The following COG5 variants were observed in gnomAD, a reference collection of about 807,000 sequenced individuals.
COG5 encodes the protein conserved oligomeric Golgi complex subunit 5.
COG5 carries 86 observed loss-of-function variants against 110.4 expected under a neutral mutation model. That is an observed-to-expected ratio of 0.78 (90% confidence interval 0.65 to 0.93). COG5 has a LOEUF of 0.93. Among genes scored for constraint, COG5 ranks in the 40% least tolerant of loss-of-function variants. The pLI, the probability that COG5 is intolerant of heterozygous loss-of-function variation, is 0.00. For missense variants in COG5, 1,077 were observed against 987.0 expected (o/e 1.09, Z -1.22); for synonymous variants, 360 against 334.6 (o/e 1.08, Z -0.83).
At chr7:107,553,246 T>C (rs1398274774) in intron 3 of COG5, among the ~76,000 whole-genome samples, 2 of 152,210 alleles carry the variant, frequency 1.3e-5, no homozygotes, top group African/African-American at 2.4e-5. Flanking sequence ...AAAATAAAAG[T>C]TGAAATGACT....
At chr7:107,332,072 C>T (rs1810300859) in intron 10 of COG5, among the ~76,000 whole-genome samples, 1 of 152,122 alleles carries the variant, frequency 6.6e-6, no homozygotes, top group Non-Finnish European at 1.5e-5. Flanking sequence ...TGGTCTCGAA[C>T]TCCTGACCTC....
At chr7:107,514,344 A>G (rs899929442) in intron 6 of COG5, among the ~76,000 whole-genome samples, 14 of 122,468 alleles carry the variant, frequency 1.1e-4, no homozygotes, top group Non-Finnish European at 1.6e-4. Context: ...ACACACACAC[A>G]CACACACACA....
chr7:107,270,086 T>C (rs1298591378), intron 14 of COG5, among the ~76,000 whole-genome samples: 1 of 152,212 alleles, frequency 6.6e-6, no homozygotes, highest in Non-Finnish European at 1.5e-5. Flanking sequence ...TTTTAGGCAC[T>C]TGGACTTGCC....
At chr7:107,449,552 A>C (rs1420874735) in intron 6 of COG5, among the ~76,000 whole-genome samples, 1 of 152,182 alleles carries the variant, frequency 6.6e-6, no homozygotes, top group African/African-American at 2.4e-5. Context: ...TGCAGTTCTC[A>C]CTTATTTTTC....
chr7:107,305,684 C>T (rs535993915), intron 11 of COG5, among the ~76,000 whole-genome samples: 1 of 152,068 alleles, frequency 6.6e-6, no homozygotes, highest in Non-Finnish European at 1.5e-5. Flanking sequence ...CTTCCAAGCT[C>T]TTGTGGTTGT....
intron 7 of COG5, among the ~76,000 whole-genome samples, chr7:107,404,916 C>A (rs1791708434): frequency 1.4e-5 from 2 of 142,422 alleles, no homozygotes; most frequent in African/African-American, 5.2e-5. Context: ...AAACAGTTGG[C>A]CAGAAAACAA....
At chr7:107,415,802 G>A (rs1563021050) in intron 6 of COG5, among the ~76,000 whole-genome samples, 1 of 123,422 alleles carries the variant, frequency 8.1e-6, no homozygotes, top group East Asian at 2.5e-4. Context: ...GTATGTATGT[G>A]TGTATATATA....
chr7:107,344,179 T>A (rs760616966), intron 10 of COG5, among the ~76,000 whole-genome samples: 1 of 152,208 alleles, frequency 6.6e-6, no homozygotes, highest in Non-Finnish European at 1.5e-5. Flanking sequence ...CTAAGGCTAC[T>A]TCATCTACAT....
intron 11 of COG5, among the ~76,000 whole-genome samples, chr7:107,312,822 TTGGC>T (rs779510284): frequency 0.023 from 3,519 of 152,234 alleles, 76 homozygotes; most frequent in African/African-American, 0.048. Context: ...AAATTCATGC[TTGGC>T]AGAAGCAGAG....
In COG5 at chr7:107,258,370, CCTT is replaced by C; in HGVS notation, c.1586_1588del (p.Gln529_Gly530delinsArg). 3.7e-6 allele frequency: 6 copies of C among 1,604,752 alleles called. No individual in the cohort carries two copies. The Middle Eastern group carries it at 6.6e-4, about 177-fold the overall frequency. On this transcript the variant is annotated inframe_deletion, in exon 15 of 22. Coordinates refer to ENST00000297135, the MANE Select transcript of COG5 (RefSeq NM_006348.5). ...AGGCCCAATCACCTGACTTGCATCT[CCTT>C]GTGTGGAGAGCTGTAAGAATTCAAT...
chr7:107,296,581 CT>C (rs35340234), intron 12 of COG5, among the ~76,000 whole-genome samples: 34,674 of 123,350 alleles, frequency 0.28, 4,728 homozygotes, highest in African/African-American at 0.37. Context: ...CAAAACTACT[CT>C]TTTTTTTTTT....
At chr7:107,460,189 G>C (rs1795902938) in intron 6 of COG5, among the ~76,000 whole-genome samples, 1 of 152,132 alleles carries the variant, frequency 6.6e-6, no homozygotes, top group African/African-American at 2.4e-5. Flanking sequence ...GATTGCTTGA[G>C]TCCAGGAGTT....
intron 6 of COG5, among the ~76,000 whole-genome samples, chr7:107,501,990 G>A (rs2712200): frequency 6.6e-6 from 1 of 151,818 alleles, no homozygotes; most frequent in Admixed American, 6.6e-5. Flanking sequence ...AAGGGAAAAC[G>A]AGAAACAGTT....
At chr7:107,559,801 G>A (rs1445491475) in intron 1 of COG5, among the ~76,000 whole-genome samples, 1 of 152,202 alleles carries the variant, frequency 6.6e-6, no homozygotes, top group Non-Finnish European at 1.5e-5. Context: ...GGAAGGTTTA[G>A]CAGTGGCAAA....
intron 14 of COG5, among the ~76,000 whole-genome samples, chr7:107,263,340 C>T (rs1001529412): frequency 1.3e-5 from 2 of 152,130 alleles, no homozygotes; most frequent in Non-Finnish European, 2.9e-5. Context: ...CAAAGCCTAT[C>T]TTATTTGAGA....
chr7:107,213,198 G>A (rs1799295888), intron 19 of COG5, among the ~76,000 whole-genome samples: 1 of 152,166 alleles, frequency 6.6e-6, no homozygotes, highest in South Asian at 2.1e-4. Context: ...TGAACAAGAA[G>A]TTCAACCTGG....
intron 6 of COG5, among the ~76,000 whole-genome samples, chr7:107,448,697 C>T (rs974879365): frequency 1.3e-5 from 2 of 152,132 alleles, no homozygotes; most frequent in African/African-American, 4.8e-5. Context: ...TTCAACATGT[C>T]CCAGAGTACA....
intron 6 of COG5, among the ~76,000 whole-genome samples, chr7:107,447,871 G>C (rs1159783383): frequency 2.6e-5 from 4 of 152,068 alleles, no homozygotes; most frequent in African/African-American, 9.7e-5. Flanking sequence ...TATTCTTACT[G>C]ACAGTCGGGC....
chr7:107,330,204 T>C (rs1810119113), intron 10 of COG5, among the ~76,000 whole-genome samples: 1 of 152,214 alleles, frequency 6.6e-6, no homozygotes, highest in Admixed American at 6.5e-5. Context: ...ATTTAAAGTA[T>C]CTTTCTGACC....
Sources: allele counts gnomAD v4.1 joint callset (sites outside exome capture counted in the v4.1 genomes callset), GRCh38; gene constraint gnomAD v4.1.1; transcripts MANE v1.5; gene names NCBI Gene and HGNC (gene_info 2026-07-23, HGNC 2026-07-21).